REXO5: variants seen among roughly 807,000 people sequenced by gnomAD.
The protein encoded by REXO5 is exonuclease NEF-sp.
In REXO5, 48 loss-of-function variants were observed where a neutral mutation model predicts 88.5. That is an observed-to-expected ratio of 0.54 (90% confidence interval 0.43 to 0.69). The LOEUF is 0.69. Ranked by LOEUF, REXO5 falls within the 30% of genes least tolerant of loss-of-function variation. The pLI is 0.00. For synonymous variants in REXO5, 311 were observed against 336.5 expected (o/e 0.92, Z 0.83); for missense variants, 749 against 912.2 (o/e 0.82, Z 2.30).
intron 4 of REXO5, among the ~76,000 whole-genome samples, chr16:20,815,456 C>T (rs1442109460): frequency 4.6e-5 from 7 of 152,128 alleles, no homozygotes. Flanking sequence ...CCCGTAGCCT[C>T]TTCCATTTCC....
Position 20,816,209 on chromosome 16 carries a change from G to A in REXO5, c.472G>A (p.Glu158Lys). 1 of 1,610,816 alleles carries A rather than the reference G, an allele frequency of 6.2e-7. No individual in the cohort carries two copies. The highest frequency in any genetic ancestry group is 8.5e-7 in the Non-Finnish European group (1 of 1,177,066). ...AGCTGGAGATCTGCCCAAGACAATG[G>A]AAGGTATAGCTATGATGCTGGTTTG... is the stretch of plus-strand genomic sequence containing the variant. The part of the protein sequence containing the change: ...QRAGDLPKTM[E>K]GPLPSNAKAA... Residue 158 changes from glutamate (E) to lysine (K), a missense_variant, in exon 5 of 20, where the codon GAA becomes AAA. Coordinates refer to ENST00000261377, the MANE Select transcript of REXO5 (RefSeq NM_030941.3).
chr16:20,828,200 C>A (rs1196226232), intron 10 of REXO5, among the ~76,000 whole-genome samples: 1 of 152,086 alleles, frequency 6.6e-6, no homozygotes, highest in African/African-American at 2.4e-5. Flanking sequence ...TGTTGGGTAG[C>A]CTTTTGTCCG....
At chr16:20,819,309 A>G (rs1040397261) in intron 5 of REXO5, among the ~76,000 whole-genome samples, 3 of 152,114 alleles carry the variant, frequency 2.0e-5, no homozygotes, top group Admixed American at 1.3e-4. Context: ...GCAGATGCTC[A>G]TAATTTTTTG....
Position 20,806,953 on chromosome 16 carries a change from C to T in REXO5, c.-1C>T. The T allele has an allele frequency of 6.3e-7, 1 of 1,585,918 alleles. No individual in the cohort carries two copies. The highest frequency in any genetic ancestry group is 1.7e-4 in the Middle Eastern group (1 of 6,030). On this transcript the variant is annotated splice_region_variant and 5_prime_UTR_variant, in exon 2 of 20. Coordinates refer to ENST00000261377, the MANE Select transcript of REXO5 (RefSeq NM_030941.3). ...GCTCTACCTCATCTTTCTCCACAGCCATGGAGCCAGAGAGGGAAGGGACCG... is the reference window on the plus strand; with the variant it reads ...GCTCTACCTCATCTTTCTCCACAGCTATGGAGCCAGAGAGGGAAGGGACCG...
chr16:20,828,616 T>G, intron 11 of REXO5, 79 bp downstream of exon 11: 1 of 988,692 alleles, frequency 1.0e-6, no homozygotes, highest in Non-Finnish European at 1.6e-6. Flanking sequence ...TACCAACTCC[T>G]ATTATCTATT....
At chr16:20,811,229 A>G (rs2080993647) in intron 2 of REXO5, among the ~76,000 whole-genome samples, 1 of 152,216 alleles carries the variant, frequency 6.6e-6, no homozygotes, top group African/African-American at 2.4e-5. Flanking sequence ...TCACCGCCAT[A>G]TAGACTCCAT....
intron 2 of REXO5, among the ~76,000 whole-genome samples, chr16:20,808,353 A>C (rs1054102137): frequency 6.6e-6 from 1 of 152,158 alleles, no homozygotes; most frequent in African/African-American, 2.4e-5. Context: ...TGTTTGAGAC[A>C]GGGTCTCTGC....
chr16:20,808,941 G>T (rs945702483), intron 2 of REXO5: 2 of 151,092 alleles, frequency 1.3e-5, no homozygotes, highest in African/African-American at 4.9e-5. Context: ...GAGAGACAGG[G>T]TCTCCAACTC....
chr16:20,806,425 C>G (rs112979251), upstream of REXO5: 30 of 1,553,154 alleles, frequency 1.9e-5, no homozygotes, highest in Middle Eastern at 3.3e-4. Flanking sequence ...GCCGCTTGGT[C>G]GCCATTCCCG....
chr16:20,808,938 A>C (rs1420515471), intron 2 of REXO5: 2 of 150,878 alleles, frequency 1.3e-5, no homozygotes, highest in South Asian at 2.1e-4. Context: ...AAAGAGAGAC[A>C]GGGTCTCCAA....
chr16:20,845,315 T>A, intron 18 of REXO5, 74 bp downstream of exon 18: 1 of 1,338,066 alleles, frequency 7.5e-7, no homozygotes, highest in South Asian at 1.4e-5. Context: ...TTTAATCTTT[T>A]TTTTTTTTCT....
At chr16:20,815,334 C>G (rs990596166) in intron 4 of REXO5, among the ~76,000 whole-genome samples, 1 of 152,142 alleles carries the variant, frequency 6.6e-6, no homozygotes, top group Non-Finnish European at 1.5e-5. Context: ...ATAATACAAG[C>G]TGAGTTTTCT....
Position 20,840,403 on chromosome 16 carries a change from C to G in REXO5, c.1561C>G (p.Leu521Val), listed in dbSNP as rs969057080. Residue 521 changes from leucine to valine, a missense_variant, in exon 15 of 20, where the codon CTG becomes GTG. Leu to Val is a conservative substitution (Grantham distance 32, BLOSUM62 1). Coordinates refer to ENST00000261377, the MANE Select transcript of REXO5 (RefSeq NM_030941.3). Reference protein sequence around the residue: ...PFSKNCNLRALKRLFKSFGPV... With the variant: ...PFSKNCNLRAVKRLFKSFGPV... ...TAGCAAAAATTGCAATCTCAGGGCT[C>G]TGAAGAGGCTGTTTAAAAGCTTTGG... 6.3e-7 allele frequency: 1 copy of G among 1,584,496 alleles called. No individual in the cohort carries two copies. The highest frequency in any genetic ancestry group is 2.3e-5 in the East Asian group (1 of 44,226).
chr16:20,836,238 C>T (rs1596602361), intron 13 of REXO5, among the ~76,000 whole-genome samples: 1 of 152,094 alleles, frequency 6.6e-6, no homozygotes, highest in African/African-American at 2.4e-5. Context: ...CATATATCTA[C>T]CATTATAGTA....
intron 19 of REXO5, 75 bp from the exon 20 acceptor site, chr16:20,849,324 C>A: frequency 7.2e-7 from 1 of 1,390,830 alleles, no homozygotes; most frequent in South Asian, 1.2e-5. Flanking sequence ...AAAAATATCT[C>A]CTCTAACTAG....
At position 20,840,315 on chromosome 16, in the gene REXO5, G is replaced by C; in HGVS notation, c.1489-16G>C. 2.0e-6 allele frequency: 3 copies of C among 1,517,242 alleles called. No homozygotes were observed. The highest frequency in any genetic ancestry group is 2.7e-6 in the Non-Finnish European group (3 of 1,118,244). The allele number at this position is 1,517,242 out of a possible 1,614,324, so 94.0% of individuals were successfully genotyped here. ...CATATTCATTCCCATACTATATTCTGTTGTTTTTCCTACAGATGAGGATCA... is the reference window on the plus strand; with the variant it reads ...CATATTCATTCCCATACTATATTCTCTTGTTTTTCCTACAGATGAGGATCA... On this transcript the variant is annotated splice_polypyrimidine_tract_variant and intron_variant, in intron 14 of 19. Transcript: ENST00000261377.
intron 2 of REXO5, 51 bp from the exon 3 acceptor site, chr16:20,813,139 G>T: frequency 9.4e-6 from 11 of 1,174,546 alleles, no homozygotes; most frequent in Non-Finnish European, 1.4e-5. Context: ...TGCTTTGTTG[G>T]TATTCTTGAT....
intron 16 of REXO5, 81 bp downstream of exon 16, chr16:20,844,107 A>G (rs1596614621): frequency 1.2e-6 from 1 of 826,838 alleles, no homozygotes; most frequent in East Asian, 2.5e-5. Flanking sequence ...GACATATAGG[A>G]AACACTCTCA....
At position 20,827,186 on chromosome 16, in the gene REXO5, G is replaced by C; in HGVS notation, c.950G>C (p.Arg317Thr). The C allele has an allele frequency of 6.2e-7, 1 of 1,614,132 alleles. No individual in the cohort carries two copies. The highest frequency in any genetic ancestry group is 8.5e-7 in the Non-Finnish European group (1 of 1,180,016). Reference sequence around the variant, plus strand: ...GGCCACTCCTTAGATTTGGATCTCAGAGCACTGAAAGTGAGTATCTGATTT... The same window carrying C: ...GGCCACTCCTTAGATTTGGATCTCACAGCACTGAAAGTGAGTATCTGATTT... ...LVGHSLDLDL[R>T]ALKMIHPYVI... Residue 317 changes from arginine to threonine, a missense_variant, in exon 9 of 20, where the codon AGA becomes ACA. By Grantham distance (71) the Arg-to-Thr change is moderately conservative (BLOSUM62 -1). Transcript: ENST00000261377.
Sources: allele counts gnomAD v4.1 joint callset (sites outside exome capture counted in the v4.1 genomes callset), GRCh38; gene constraint gnomAD v4.1.1; transcripts MANE v1.5; gene names NCBI Gene and HGNC (gene_info 2026-07-23, HGNC 2026-07-21).